The following IL24 variants were observed in gnomAD, a reference collection of about 807,000 sequenced individuals.
IL24 encodes the protein interleukin 24.
A neutral mutation model predicts 27.6 loss-of-function variants in IL24; 24 were observed. That is an observed-to-expected ratio of 0.87 (90% confidence interval 0.63 to 1.22). IL24 has a LOEUF of 1.22. IL24 is among the 50% of genes most tolerant of loss of function. The pLI, the probability that IL24 is intolerant of heterozygous loss-of-function variation, is 0.00. For missense variants in IL24, 240 were observed against 237.0 expected, an observed-to-expected ratio of 1.01 and a Z score of -0.08; for synonymous variants, 99 against 93.1, an observed-to-expected ratio of 1.06 and a Z score of -0.36.
rs755002501 is a variant in IL24, at chr1:206,902,085, G to A, written c.537+13G>A. 7.4e-5 allele frequency: 119 copies of A among 1,613,920 alleles called. 1 individual carries two copies. The Middle Eastern group carries it at 1.5e-3, about 20-fold the overall frequency. The stretch of plus-strand genomic sequence containing the variant: ...AGCATTCAAACAGGTAAGGCCAAGA[G>A]CTGAGAGCTTGCCCATCCAGCAGAA... On this transcript the variant is annotated intron_variant, in intron 6 of 6. Transcript: ENST00000294984.
intron 2 of IL24, among the ~76,000 whole-genome samples, chr1:206,898,222 T>C (rs1678234895): frequency 6.8e-6 from 1 of 147,038 alleles, no homozygotes; most frequent in Non-Finnish European, 1.5e-5. Context: ...TGAAAAGACA[T>C]TGAGGGAGAT....
chr1:206,903,136 C>A lies in IL24; in HGVS notation c.*77C>A. 3 of 1,239,950 alleles carry A rather than the reference C, an allele frequency of 2.4e-6. No homozygotes were observed. Among genetic ancestry groups the A allele is most frequent in the East Asian group, 4.6e-5 (2 of 43,074 alleles). 76.8% of individuals were successfully genotyped at this position (1,239,950 alleles called of 1,614,324 possible). ...ATTTCAAACAGTCTCCCTTCCTATG[C>A]TGTTCACTGGACACTTCACGCCCTT... On this transcript the variant is annotated 3_prime_UTR_variant, in exon 7 of 7. Coordinates refer to ENST00000294984, the MANE Select transcript of IL24 (RefSeq NM_006850.3).
rs753397090 is a variant in IL24 at position 206,903,134 on chromosome 1, T to C, written c.*75T>C. Reference sequence around the variant, plus strand: ...TCATTTCAAACAGTCTCCCTTCCTATGCTGTTCACTGGACACTTCACGCCC... The same window carrying C: ...TCATTTCAAACAGTCTCCCTTCCTACGCTGTTCACTGGACACTTCACGCCC... On this transcript the variant is annotated 3_prime_UTR_variant, in exon 7 of 7. Coordinates refer to ENST00000294984, the MANE Select transcript of IL24 (RefSeq NM_006850.3). 4.2e-4 allele frequency: 515 copies of C among 1,238,818 alleles called. 1 individual carries two copies. Among genetic ancestry groups the C allele is most frequent in the Non-Finnish European group, 5.5e-4 (464 of 838,764 alleles). 76.7% of individuals were successfully genotyped at this position (1,238,818 alleles called of 1,614,324 possible).
chr1:206,900,767 C>G (rs368757551), intron 4 of IL24, among the ~76,000 whole-genome samples: 3 of 151,974 alleles, frequency 2.0e-5, no homozygotes, highest in African/African-American at 7.2e-5. Flanking sequence ...TTTAGGGGGT[C>G]CAGGGAAGCA....
chr1:206,898,694 T>TA (rs971592017), intron 2 of IL24, among the ~76,000 whole-genome samples: 5 of 152,130 alleles, frequency 3.3e-5, no homozygotes, highest in African/African-American at 1.2e-4. Context: ...ATTTGGTTAC[T>TA]AAAAAAAGTG....
chr1:206,902,813 T>TAGATGGAGGAA, intron 6 of IL24, 163 bp from the exon 7 acceptor site: 4 of 985,388 alleles, frequency 4.1e-6, no homozygotes, highest in Non-Finnish European at 4.8e-6. Context: ...TAAACACATG[T>TAGATGGAGGAA]AGATGGAGGA....
At chr1:206,900,481 A>G in intron 4 of IL24, 124 bp downstream of exon 4, 1 of 811,340 alleles carries the variant, frequency 1.2e-6, no homozygotes, top group Non-Finnish European at 2.1e-6. Flanking sequence ...CTTACACAGG[A>G]CAGGGCCAGA....
chr1:206,901,522 C>T lies in IL24; in HGVS notation c.332C>T (p.Thr111Ile), dbSNP rs1208473184. The change falls in exon 5 of 7, where the codon ACC becomes ATC. Residue 111 changes from threonine (T) to isoleucine (I), a missense_variant. Coordinates refer to ENST00000294984, the MANE Select transcript of IL24 (RefSeq NM_006850.3). ...SDAESCYLVH[T>I]LLEFYLKTVF... ...GCTGAGAGCTGTTACCTTGTCCACA[C>T]CCTGCTGGAGTTCTACTTGAAAACT... is the stretch of plus-strand genomic sequence containing the variant. 1.2e-6 allele frequency: 2 copies of T among 1,613,716 alleles called. No homozygotes were observed. Among genetic ancestry groups the T allele is most frequent in the Non-Finnish European group, 1.7e-6 (2 of 1,179,734 alleles).
rs939335667 is a variant in IL24, at chr1:206,901,441, G to A, written c.304-53G>A. Reference sequence around the variant, plus strand: ...GGTGGCATGTGGGTTGTTCCTTCAGGGGGTCAGGGTGGGCAGAGGCCTTGG... The same window carrying A: ...GGTGGCATGTGGGTTGTTCCTTCAGAGGGTCAGGGTGGGCAGAGGCCTTGG... On this transcript the variant is annotated intron_variant, in intron 4 of 6. Transcript: ENST00000294984. 6 of 1,555,512 alleles carry A rather than the reference G, an allele frequency of 3.9e-6. 1 individual carries two copies. The South Asian group carries it at 7.4e-5, about 19-fold the overall frequency.
At chr1:206,898,725 A>G (rs1678254188) in intron 2 of IL24, among the ~76,000 whole-genome samples, 1 of 152,016 alleles carries the variant, frequency 6.6e-6, no homozygotes, top group South Asian at 2.1e-4. Flanking sequence ...CTCAAGAGTG[A>G]GTGGTTAGTG....
rs764272618 is a variant in IL24 at position 206,903,079 on chromosome 1, C to CCT, written c.*22_*23dup. 99 of 1,590,734 alleles carry CCT rather than the reference C, an allele frequency of 6.2e-5. No homozygotes were observed. The highest frequency in any genetic ancestry group is 8.2e-5 in the Non-Finnish European group (95 of 1,158,790). On this transcript the variant is annotated 3_prime_UTR_variant, in exon 7 of 7. Transcript: ENST00000294984. Reference sequence around the variant, plus strand: ...CTCTGAATGTCTAGACCAGGACCTCCCTCCCCCTGGCACTGGTTTGTTCCC... The same window carrying CCT: ...CTCTGAATGTCTAGACCAGGACCTCCCTCTCCCCCTGGCACTGGTTTGTTCCC...
rs530947879 is a variant in IL24, at chr1:206,903,792, T to C, written c.*733T>C. On this transcript the variant is annotated 3_prime_UTR_variant, in exon 7 of 7. Coordinates refer to ENST00000294984, the MANE Select transcript of IL24 (RefSeq NM_006850.3). ...TTGAGTGTCAAGCTGACCTTGCTGA[T>C]GGTGACATTGCACCTGGATGTACTA... The C allele has an allele frequency of 1.4e-4, 22 of 152,446 alleles. No homozygotes were observed. The highest frequency in any genetic ancestry group is 5.2e-4 in the Admixed American group (8 of 15,300). The allele number at this position is 152,446 out of a possible 1,614,324, so 9.4% of individuals were successfully genotyped here.
In IL24 at chr1:206,900,351, C is replaced by T. The variant is rs761273178; in HGVS notation, c.297C>T (p.Asn99=). 2.8e-5 allele frequency: 45 copies of T among 1,613,820 alleles called. 1 individual carries two copies. The highest frequency in any genetic ancestry group is 1.6e-4 in the Middle Eastern group (1 of 6,082). The change falls in exon 4 of 7, where the codon AAC becomes AAT. Residue 99 remains asparagine, a synonymous_variant. Transcript: ENST00000294984. ...ARLLQQEVLQ[N]VSDAESCYLV... The stretch of plus-strand genomic sequence containing the variant: ...TGCTGCAGCAGGAGGTTCTGCAGAA[C>T]GTCTCGGTAATCAGACCTCGGGGAC...
intron 3 of IL24, 58 bp from the exon 4 acceptor site, chr1:206,900,235 CAG>C: frequency 6.9e-7 from 1 of 1,450,652 alleles, no homozygotes; most frequent in Non-Finnish European, 9.7e-7. Context: ...CACATATTTG[CAG>C]AGTTGGTTTC....
Position 206,902,961 on chromosome 1 carries a change from C to G in IL24, c.538-15C>G. 6.2e-7 allele frequency: 1 copy of G among 1,614,148 alleles called. No individual in the cohort carries two copies. ...TAGCTAACATGGCTGACCTTCAACC[C>G]TCTTTTCCCTTTAGTTGGACGTAGA... On this transcript the variant is annotated splice_polypyrimidine_tract_variant and intron_variant, in intron 6 of 6. Coordinates refer to ENST00000294984, the MANE Select transcript of IL24 (RefSeq NM_006850.3).
At position 206,903,385 on chromosome 1, in the gene IL24, T is replaced by C. The variant is rs1490121460; in HGVS notation, c.*326T>C. On this transcript the variant is annotated 3_prime_UTR_variant, in exon 7 of 7. Transcript: ENST00000294984. ...GAAGGCAGCAGAATATTGTGCCCCA[T>C]GCTTCTTTACCCCTCACAATCCTTG... 3.9e-6 allele frequency: 1 copy of C among 256,308 alleles called. No homozygotes were observed. The highest frequency in any genetic ancestry group is 5.5e-5 in the South Asian group (1 of 18,344). The allele number at this position is 256,308 out of a possible 1,614,324, so 15.9% of individuals were successfully genotyped here. A position where few individuals can be genotyped will look rare whatever the true frequency, so the allele number is the denominator to read the frequency against.
chr1:206,899,298 C>T lies in IL24; in HGVS notation c.45-22C>T, dbSNP rs1186593878. ...TGGGTCAGAGGGCCGGCCTCACAGG[C>T]TGCCTCCCTTTCTTTCAGCAGACCC... On this transcript the variant is annotated intron_variant, in intron 2 of 6. Coordinates refer to ENST00000294984, the MANE Select transcript of IL24 (RefSeq NM_006850.3). 8 of 1,610,056 alleles carry T rather than the reference C, an allele frequency of 5.0e-6. No individual in the cohort carries two copies. In the Admixed American group the frequency reaches 1.3e-4, roughly 27 times the overall value.
At chr1:206,898,365 T>A (rs1219093003) in intron 2 of IL24, among the ~76,000 whole-genome samples, 4 of 151,826 alleles carry the variant, frequency 2.6e-5, no homozygotes, top group Non-Finnish European at 4.4e-5. Flanking sequence ...TCTTTAGGTG[T>A]CAGACCAGTG....
chr1:206,899,031 G>A (rs763920362), intron 2 of IL24, among the ~76,000 whole-genome samples: 30 of 152,204 alleles, frequency 2.0e-4, no homozygotes, highest in Non-Finnish European at 3.7e-4. Flanking sequence ...AGGCTAGAGA[G>A]AACTGCGATG....
Sources: gnomAD v4.1 joint callset for allele counts (sites outside exome capture counted in the v4.1 genomes callset) on GRCh38, gnomAD v4.1.1 for gene constraint, MANE v1.5 for transcripts, NCBI Gene and HGNC (gene_info 2026-07-23, HGNC 2026-07-21) for gene names.